Variants in ADAM12 observed in about 807,000 individuals in gnomAD.
ADAM12 encodes the protein ADAM metallopeptidase domain 12.
In ADAM12, 70 loss-of-function variants were observed where a neutral mutation model predicts 106.4. That is an observed-to-expected ratio of 0.66 (90% confidence interval 0.54 to 0.80). ADAM12 has a LOEUF of 0.80. ADAM12 is among the 30% of genes least tolerant of loss of function. The probability of loss-of-function intolerance (pLI) is 0.00; values close to 1 mark genes in which losing one functional copy is unlikely to be tolerated. For missense variants in ADAM12, 1,010 were observed against 1,171.9 expected (o/e 0.86, Z 2.02); for synonymous variants, 420 against 433.5 (o/e 0.97, Z 0.39).
intron 3 of ADAM12, among the ~76,000 whole-genome samples, chr10:126,181,921 T>C (rs1957319616): frequency 6.6e-6 from 1 of 152,204 alleles, no homozygotes; most frequent in African/African-American, 2.4e-5. Context: ...GGGTCTTTAA[T>C]TGCATGGCCC....
chr10:126,073,707 A>C (rs536752531), intron 11 of ADAM12, among the ~76,000 whole-genome samples: 154 of 152,332 alleles, frequency 1.0e-3, no homozygotes, highest in African/African-American at 3.6e-3. Context: ...GTATATTAAT[A>C]ATTCTAATTT....
chr10:126,332,864 G>A (rs1443620454), intron 1 of ADAM12, among the ~76,000 whole-genome samples: 5 of 152,202 alleles, frequency 3.3e-5, no homozygotes, highest in South Asian at 2.1e-4. Flanking sequence ...GGATTCACAC[G>A]TTGGAATGCA....
intron 11 of ADAM12, among the ~76,000 whole-genome samples, chr10:126,087,806 C>T (rs1955386074): frequency 6.6e-6 from 1 of 151,948 alleles, no homozygotes; most frequent in Admixed American, 6.6e-5. Flanking sequence ...CTTCCAAAGC[C>T]CTTGGGGGAT....
chr10:126,368,687 G>A (rs1263324608), intron 1 of ADAM12, among the ~76,000 whole-genome samples: 3 of 151,400 alleles, frequency 2.0e-5, no homozygotes, highest in African/African-American at 7.3e-5. Flanking sequence ...AGTTGCAGAA[G>A]GTGAGCTCTG....
rs571185727 is a variant in ADAM12, at chr10:126,039,121, G to A, written c.2240+173C>T. On this transcript the variant is annotated intron_variant, in intron 19 of 22. Transcript: ENST00000448723. ...ACTACAGGCACCCACCACCGCGCCC[G>A]GCTGATATTTTGTATTTTTAGTAGA... 2.6e-3 allele frequency among the ~76,000 whole-genome samples: 390 copies of A among 151,752 alleles called. 1 individual carries two copies. The highest frequency in any genetic ancestry group is 9.0e-3 in the African/African-American group (371 of 41,376).
intron 11 of ADAM12, among the ~76,000 whole-genome samples, chr10:126,086,632 G>GC (rs1163419431): frequency 9.2e-6 from 1 of 108,942 alleles, no homozygotes; most frequent in Non-Finnish European, 1.7e-5. Flanking sequence ...AGCCGAGATG[G>GC]CCCCAATGGA....
chr10:126,033,283 T>TTG (rs1954001717), intron 21 of ADAM12, among the ~76,000 whole-genome samples: 2 of 152,152 alleles, frequency 1.3e-5, no homozygotes, highest in Non-Finnish European at 2.9e-5. Flanking sequence ...TTTGCCAGCA[T>TTG]ACCATTGGCT....
At chr10:126,375,264 AG>A (rs1305620055) in intron 1 of ADAM12, among the ~76,000 whole-genome samples, 2 of 148,468 alleles carry the variant, frequency 1.3e-5, no homozygotes, top group Non-Finnish European at 2.9e-5. Flanking sequence ...AAAAAAAAAA[AG>A]AAAGAAAGAA....
intron 11 of ADAM12, among the ~76,000 whole-genome samples, 192 bp downstream of exon 11, chr10:126,093,793 G>A (rs1955507696): frequency 6.6e-6 from 1 of 152,220 alleles, no homozygotes; most frequent in Non-Finnish European, 1.5e-5. Context: ...ACACCATGTA[G>A]CATTGCCATC....
intron 6 of ADAM12, among the ~76,000 whole-genome samples, chr10:126,110,135 G>A (rs1476513479): frequency 3.3e-5 from 5 of 152,152 alleles, no homozygotes; most frequent in Middle Eastern, 3.4e-3. Context: ...TAAACAAAAC[G>A]AGCACATAAA....
intron 3 of ADAM12, among the ~76,000 whole-genome samples, chr10:126,165,439 G>A (rs1406497978): frequency 6.6e-6 from 1 of 152,236 alleles, no homozygotes; most frequent in Non-Finnish European, 1.5e-5. Context: ...TTACAGGCGT[G>A]AGCCACGGTG....
At chr10:126,077,137 C>T (rs140992861) in intron 11 of ADAM12, among the ~76,000 whole-genome samples, 2 of 152,218 alleles carry the variant, frequency 1.3e-5, no homozygotes, top group African/African-American at 4.8e-5. Context: ...AAATCAAGAA[C>T]ACAATCCCAT....
intron 3 of ADAM12, among the ~76,000 whole-genome samples, chr10:126,268,516 A>G (rs1028610411): frequency 6.6e-6 from 1 of 152,232 alleles, no homozygotes; most frequent in African/African-American, 2.4e-5. Context: ...GAATAAAGAT[A>G]TGCCACATAC....
intron 3 of ADAM12, among the ~76,000 whole-genome samples, chr10:126,262,978 A>G (rs1269424726): frequency 6.6e-6 from 1 of 152,216 alleles, no homozygotes; most frequent in Non-Finnish European, 1.5e-5. Context: ...TGCTCTGGGC[A>G]CTGAGATGCA....
At chr10:126,217,252 G>C (rs1478850352) in intron 3 of ADAM12, among the ~76,000 whole-genome samples, 1 of 151,978 alleles carries the variant, frequency 6.6e-6, no homozygotes, top group Non-Finnish European at 1.5e-5. Flanking sequence ...ACCCAGAAGA[G>C]AGCAAAGGTT....
At chr10:126,217,809 AC>A (rs1199418922) in intron 3 of ADAM12, among the ~76,000 whole-genome samples, 1 of 151,634 alleles carries the variant, frequency 6.6e-6, no homozygotes, top group Non-Finnish European at 1.5e-5. Flanking sequence ...CCTCATCTCT[AC>A]TAAAAAATAT....
At chr10:126,307,694 C>A (rs191634748) in intron 2 of ADAM12, among the ~76,000 whole-genome samples, 2 of 152,076 alleles carry the variant, frequency 1.3e-5, no homozygotes, top group African/African-American at 4.8e-5. Flanking sequence ...GTGCATGCCA[C>A]CATGCCCAGC....
At chr10:126,265,542 G>T (rs1361526787) in intron 3 of ADAM12, among the ~76,000 whole-genome samples, 1 of 152,088 alleles carries the variant, frequency 6.6e-6, no homozygotes, top group Non-Finnish European at 1.5e-5. Context: ...TATTGACATG[G>T]CACAAGAGAA....
At chr10:126,189,491 C>T (rs973423852) in intron 3 of ADAM12, among the ~76,000 whole-genome samples, 21 of 152,146 alleles carry the variant, frequency 1.4e-4, no homozygotes, top group Admixed American at 1.0e-3. Context: ...GCCACAAGTA[C>T]GGCTGCTCTA....
Sources: gnomAD v4.1 joint callset for allele counts (sites outside exome capture counted in the v4.1 genomes callset) on GRCh38, gnomAD v4.1.1 for gene constraint, MANE v1.5 for transcripts, NCBI Gene and HGNC (gene_info 2026-07-23, HGNC 2026-07-21) for gene names.